GLI3: variants seen among roughly 807,000 people sequenced by gnomAD.
GLI3 encodes transcription activator GLI3.
In GLI3, 20 loss-of-function variants were observed where a neutral mutation model predicts 100.8. That is an observed-to-expected ratio of 0.20 (90% confidence interval 0.14 to 0.29). The LOEUF (loss-of-function observed/expected upper bound fraction) is 0.29, where lower values mean the gene tolerates loss of function less well. GLI3 is among the 10% of genes least tolerant of loss of function. The pLI is 1.00. For synonymous variants in GLI3, 938 were observed against 860.5 expected (o/e 1.09, Z -1.58); for missense variants, 2,040 against 2,128.5 (o/e 0.96, Z 0.82).
At chr7:42,074,690 G>T (rs938652130) in intron 4 of GLI3, among the ~76,000 whole-genome samples, 4 of 152,114 alleles carry the variant, frequency 2.6e-5, no homozygotes, top group Admixed American at 2.6e-4. Context: ...GGCCCTGCCA[G>T]GATGCACTAA....
At position 41,964,081 on chromosome 7, in the gene GLI3, T is replaced by TTA. The variant is rs1491346758; in HGVS notation, c.*248_*249insTA. On this transcript the variant is annotated 3_prime_UTR_variant, in exon 15 of 15. Coordinates refer to ENST00000395925, the MANE Select transcript of GLI3 (RefSeq NM_000168.6). ...GGCTTACAGTTTTTTTTTTTTTTTT[T>TTA]AAAAAGAGGGTGGTTTGAGTGTAAC... 7.9e-5 allele frequency: 22 copies of TTA among 279,484 alleles called. No individual in the cohort carries two copies. Among genetic ancestry groups the TTA allele is most frequent in the East Asian group, 2.8e-4 (4 of 14,234 alleles). The allele number at this position is 279,484 out of a possible 1,614,324, so 17.3% of individuals were successfully genotyped here. A position where few individuals can be genotyped will look rare whatever the true frequency, so the allele number is the denominator to read the frequency against.
chr7:42,262,633 T>C (rs1219583456), intron 1 of GLI3, among the ~76,000 whole-genome samples: 2 of 152,168 alleles, frequency 1.3e-5, no homozygotes, highest in Non-Finnish European at 2.9e-5. Context: ...GTTCAGCATG[T>C]TTAAGAGTTA....
chr7:42,035,767 C>A (rs1562696275), intron 7 of GLI3, among the ~76,000 whole-genome samples: 1 of 152,164 alleles, frequency 6.6e-6, no homozygotes, highest in Non-Finnish European at 1.5e-5. Context: ...CAAAGGTACA[C>A]TATTTTAACC....
At chr7:42,063,902 C>T (rs1320307171) in intron 4 of GLI3, among the ~76,000 whole-genome samples, 4 of 152,100 alleles carry the variant, frequency 2.6e-5, no homozygotes, top group Admixed American at 2.6e-4. Context: ...GAAAAACTGC[C>T]CCAAACCAGA....
chr7:42,139,529 A>C (rs927580336), intron 3 of GLI3, among the ~76,000 whole-genome samples: 1 of 152,112 alleles, frequency 6.6e-6, no homozygotes, highest in African/African-American at 2.4e-5. Context: ...AAAATACAAA[A>C]TTAGCGTGGC....
chr7:41,968,747 A>AGAAGGAAG (rs373611069), intron 13 of GLI3, among the ~76,000 whole-genome samples: 111 of 122,138 alleles, frequency 9.1e-4, no homozygotes, highest in Admixed American at 5.9e-3. Context: ...AAAGAAAGAA[A>AGAAGGAAG]GAAAGAAAGA....
In GLI3 at chr7:42,145,460, G is replaced by A. The variant is rs182697684; in HGVS notation, c.367+2766C>T. 120 of 397,846 alleles carry A rather than the reference G, an allele frequency of 3.0e-4. 1 individual carries two copies. The highest frequency in any genetic ancestry group is 2.3e-3 in the East Asian group (64 of 28,044). 24.6% of individuals were successfully genotyped at this position (397,846 alleles called of 1,614,324 possible). A position where few individuals can be genotyped will look rare whatever the true frequency, so the allele number is the denominator to read the frequency against. ...TACAAAACAGAAAAAAGTTATAGTC[G>A]ATCTACTGAGGTTGACTGAGAAAAG... On this transcript the variant is annotated intron_variant, in intron 3 of 14. Coordinates refer to ENST00000395925, the MANE Select transcript of GLI3 (RefSeq NM_000168.6).
chr7:41,968,027 T>C, intron 13 of GLI3, 104 bp from the exon 14 acceptor site: 1 of 959,456 alleles, frequency 1.0e-6, no homozygotes, highest in South Asian at 1.3e-5. Context: ...AGATCATCAG[T>C]TGGTTGAATG....
chr7:42,133,468 A>G (rs1295372949), intron 3 of GLI3, among the ~76,000 whole-genome samples: 1 of 152,112 alleles, frequency 6.6e-6, no homozygotes, highest in East Asian at 1.9e-4. Flanking sequence ...AATTGCACCG[A>G]GTTCCCTCCA....
chr7:42,215,475 G>T (rs2128699510), intron 2 of GLI3, among the ~76,000 whole-genome samples: 1 of 152,284 alleles, frequency 6.6e-6, no homozygotes, highest in Non-Finnish European at 1.5e-5. Context: ...TCCAGAGGGA[G>T]ATTTTCCTCC....
At chr7:42,113,699 A>G (rs1785774778) in intron 3 of GLI3, 13 of 702,112 alleles carry the variant, frequency 1.9e-5, no homozygotes, top group Non-Finnish European at 3.3e-5. Flanking sequence ...CAAGTTTTAT[A>G]AAAATGCAGA....
Position 41,972,958 on chromosome 7 carries a change from TTGATGATGA to T in GLI3, c.1813-340_1813-332del, listed in dbSNP as rs141327852. 2.5e-3 allele frequency among the ~76,000 whole-genome samples: 375 copies of T among 151,912 alleles called. 4 individuals are homozygous for T. Among genetic ancestry groups the T allele is most frequent in the African/African-American group, 8.4e-3 (347 of 41,400 alleles). The stretch of plus-strand genomic sequence containing the variant: ...GCCATAATAGGCACTCAATAGATAT[TTGATGATGA>T]TGATGATGATGATGACGATGACTAT... On this transcript the variant is annotated intron_variant, in intron 12 of 14. Coordinates refer to ENST00000395925, the MANE Select transcript of GLI3 (RefSeq NM_000168.6). This position sits in a 1 kb window ranked among gnomAD's most constrained non-coding sequence, Gnocchi z 4.4.
chr7:42,257,354 C>A (rs1433284320), intron 1 of GLI3, among the ~76,000 whole-genome samples: 1 of 130,596 alleles, frequency 7.7e-6, no homozygotes, highest in Admixed American at 7.7e-5. Context: ...ATCATTCAGT[C>A]TTTTTTTTTT....
chr7:42,191,433 A>G (rs1489128972), intron 2 of GLI3, among the ~76,000 whole-genome samples: 1 of 152,066 alleles, frequency 6.6e-6, no homozygotes, highest in East Asian at 1.9e-4. Context: ...CGGGCAGATA[A>G]CCTGAGGTTG....
At chr7:42,200,491 C>G (rs1396315781) in intron 2 of GLI3, among the ~76,000 whole-genome samples, 1 of 152,162 alleles carries the variant, frequency 6.6e-6, no homozygotes, top group Non-Finnish European at 1.5e-5. Context: ...CCACTACCTC[C>G]CGTATCCACT....
chr7:42,047,474 T>G (rs1784267601), intron 5 of GLI3, among the ~76,000 whole-genome samples: 1 of 152,232 alleles, frequency 6.6e-6, no homozygotes, highest in Non-Finnish European at 1.5e-5. Flanking sequence ...AGTGGTGATT[T>G]GCGATCTCTT....
chr7:41,978,025 G>T (rs1299434517), intron 11 of GLI3: 2 of 451,592 alleles, frequency 4.4e-6, no homozygotes, highest in Non-Finnish European at 8.1e-6. Context: ...ACTGATTTCA[G>T]ATTCAGCACA....
At chr7:42,154,200 C>T (rs1583604603) in intron 2 of GLI3, among the ~76,000 whole-genome samples, 3 of 152,260 alleles carry the variant, frequency 2.0e-5, no homozygotes, top group Middle Eastern at 6.8e-3. Context: ...TGGGAAACAC[C>T]GACAGAAGCC....
intron 3 of GLI3, among the ~76,000 whole-genome samples, chr7:42,092,370 G>A (rs565415850): frequency 1.6e-4 from 25 of 152,284 alleles, no homozygotes; most frequent in African/African-American, 6.0e-4. Flanking sequence ...ACACAGGCTG[G>A]AGCAGCAAGA....
Sources: gnomAD v4.1 joint callset for allele counts (sites outside exome capture counted in the v4.1 genomes callset) on GRCh38, gnomAD v4.1.1 for gene constraint, Gnocchi (gnomAD v3.1) non-coding constraint, MANE v1.5 for transcripts, NCBI Gene and HGNC (gene_info 2026-07-23, HGNC 2026-07-21) for gene names.